Variants in KRT8 observed in about 807,000 individuals in gnomAD.
KRT8 encodes the protein keratin, type II cytoskeletal 8.
A neutral mutation model predicts 43.0 loss-of-function variants in KRT8; 24 were observed. That is an observed-to-expected ratio of 0.56 (90% CI 0.40 to 0.78). KRT8 has a LOEUF of 0.78. Ranked by LOEUF, KRT8 falls within the 30% of genes least tolerant of loss-of-function variation. The pLI, the probability that KRT8 is intolerant of heterozygous loss-of-function variation, is 0.00. For synonymous variants in KRT8, 214 were observed against 261.2 expected, an observed-to-expected ratio of 0.82 and a Z score of 1.74; for missense variants, 492 against 638.4, an observed-to-expected ratio of 0.77 and a Z score of 2.47.
chr12:52,929,180 C>T (rs1051881976), intron 2 of KRT8, among the ~76,000 whole-genome samples: 31 of 126,528 alleles, frequency 2.5e-4, no homozygotes, highest in African/African-American at 8.8e-4. Context: ...TCCTTCCTTC[C>T]TTCCTTTCTT....
In KRT8 at chr12:52,899,689, C is replaced by T; in HGVS notation, c.981+86G>A. The T allele has an allele frequency of 4.8e-6, 6 of 1,250,392 alleles. No homozygotes were observed. The South Asian group carries it at 7.9e-5, about 16-fold the overall frequency. The allele number at this position is 1,250,392 out of a possible 1,614,324, so 77.5% of individuals were successfully genotyped here. A position where few individuals can be genotyped will look rare whatever the true frequency, so the allele number is the denominator to read the frequency against. ...CCCTGGTCTAGGATTCCTTCCCCGA[C>T]TCCCAGAAACTTCACTCTTCCTACA... On this transcript the variant is annotated intron_variant, in intron 5 of 7. Transcript: ENST00000692008.
At chr12:52,930,177 C>G (rs1182841755) in intron 2 of KRT8, among the ~76,000 whole-genome samples, 1 of 151,656 alleles carries the variant, frequency 6.6e-6, no homozygotes, top group Non-Finnish European at 1.5e-5. Flanking sequence ...GCTTCTTTCC[C>G]TTTACATCCA....
rs915661391 is a variant in KRT8 at position 52,923,853 on chromosome 12, A to AT, written c.-46-18827dup. Among the ~76,000 whole-genome samples, 74 of 148,474 alleles carry AT rather than the reference A, an allele frequency of 5.0e-4. 1 individual carries two copies. Among genetic ancestry groups the AT allele is most frequent in the Middle Eastern group, 7.3e-3 (2 of 274 alleles). On this transcript the variant is annotated intron_variant, in intron 2 of 6. Transcript: ENST00000546826. ...CAGTGTAGTGAGAAAAGCATTATAT[A>AT]TTTTTTTTTTCGAGACGGAGCCTCG...
intron 2 of KRT8, among the ~76,000 whole-genome samples, chr12:52,944,736 C>T (rs906402189): frequency 1.1e-4 from 16 of 152,190 alleles, no homozygotes; most frequent in African/African-American, 3.9e-4. Context: ...GGGCACAAAC[C>T]CAACCGAAGC....
chr12:52,904,514 A>G (rs1426272671), intron 1 of KRT8, 144 bp downstream of exon 1: 9 of 777,902 alleles, frequency 1.2e-5, no homozygotes, highest in Non-Finnish European at 1.8e-5. Flanking sequence ...GGGAGGGGTG[A>G]GTCGGAGGAT....
chr12:52,936,336 A>C (rs1013254213), intron 2 of KRT8, among the ~76,000 whole-genome samples: 2 of 152,054 alleles, frequency 1.3e-5, no homozygotes, highest in Non-Finnish European at 2.9e-5. Flanking sequence ...ATCATAGCTC[A>C]TGGCAGCCTG....
chr12:52,898,649 G>A (rs1475416229), intron 6 of KRT8, 30 bp downstream of exon 6: 1 of 1,613,944 alleles, frequency 6.2e-7, no homozygotes, highest in African/African-American at 1.3e-5. Context: ...GGATAGGGAA[G>A]CAGGTCCGGT....
At chr12:52,926,341 A>ACC in intron 2 of KRT8, 2 of 322,126 alleles carry the variant, frequency 6.2e-6, no homozygotes, top group Non-Finnish European at 1.2e-5. Flanking sequence ...TGCCCTCCCC[A>ACC]CCCCACCCCC....
At chr12:52,920,850 A>T (rs1397692294) in intron 2 of KRT8, among the ~76,000 whole-genome samples, 1 of 152,190 alleles carries the variant, frequency 6.6e-6, no homozygotes, top group Non-Finnish European at 1.5e-5. Context: ...ACCAGCCTGG[A>T]CAACCAGCGA....
At chr12:52,907,640 A>G (rs1941549199), upstream of KRT8, among the ~76,000 whole-genome samples, 4 of 152,192 alleles carry the variant, frequency 2.6e-5, no homozygotes, top group Admixed American at 2.6e-4. Context: ...TTACCCAGCC[A>G]GGGGAAGCCC....
At chr12:52,910,699 G>A (rs1273030298), upstream of KRT8, among the ~76,000 whole-genome samples, 2 of 152,226 alleles carry the variant, frequency 1.3e-5, no homozygotes, top group Non-Finnish European at 2.9e-5. Context: ...CAACCGGACA[G>A]GAGTGCAGGA....
intron 2 of KRT8, among the ~76,000 whole-genome samples, chr12:52,925,362 G>A (rs1050625740): frequency 6.6e-6 from 1 of 152,182 alleles, no homozygotes. Context: ...CAGGGCTGGA[G>A]GCTGGGAGAG....
chr12:52,949,715 C>T, exon 1 of KRT8: 5 of 892,102 alleles, frequency 5.6e-6, no homozygotes, highest in Non-Finnish European at 9.2e-6. Context: ...TTGGGCATAC[C>T]TGGATTTCCA....
chr12:52,918,199 G>GAAC (rs1270471233), intron 2 of KRT8, among the ~76,000 whole-genome samples: 42 of 121,494 alleles, frequency 3.5e-4, no homozygotes, highest in Non-Finnish European at 4.0e-4. Flanking sequence ...AGAAGAAGAA[G>GAAC]AAGAACAAGA....
At chr12:52,948,732 C>T in intron 2 of KRT8, 1 of 398,024 alleles carries the variant, frequency 2.5e-6, no homozygotes, top group South Asian at 1.3e-4. Context: ...CCTCGTGATC[C>T]GCCCACCTAG....
intron 2 of KRT8, among the ~76,000 whole-genome samples, chr12:52,929,018 G>A (rs1191003366): frequency 6.6e-6 from 1 of 152,106 alleles, no homozygotes; most frequent in Non-Finnish European, 1.5e-5. Context: ...CATACTCGTT[G>A]TCAATTTTTC....
At chr12:52,918,240 A>AGAAGAAGAAGAAGAAGAAGAG (rs1565725871) in intron 2 of KRT8, among the ~76,000 whole-genome samples, 5 of 151,944 alleles carry the variant, frequency 3.3e-5, no homozygotes, top group African/African-American at 1.2e-4. Context: ...AAGAAGAAGA[A>AGAAGAAGAAGAAGAAGAAGAG]GAAGAAGAAG....
exon 6 of KRT8, chr12:52,898,852 C>G: frequency 6.2e-7 from 1 of 1,613,492 alleles, no homozygotes; most frequent in South Asian, 1.1e-5. Context: ...TAATGGCCAG[C>G]TCTCCACGCT....
chr12:52,912,923 C>T (rs1029364282), intron 2 of KRT8, among the ~76,000 whole-genome samples: 1 of 151,878 alleles, frequency 6.6e-6, no homozygotes, highest in African/African-American at 2.4e-5. Flanking sequence ...GCAGCGTGAC[C>T]AGGTACCCTG....
Sources: gnomAD v4.1 joint callset for allele counts (sites outside exome capture counted in the v4.1 genomes callset) on GRCh38, gnomAD v4.1.1 for gene constraint, MANE v1.5 for transcripts, NCBI Gene and HGNC (gene_info 2026-07-23, HGNC 2026-07-21) for gene names.